MALRD1: variants seen among roughly 807,000 people sequenced by gnomAD.
MALRD1 encodes MAM and LDL-receptor class A domain-containing protein 1.
A neutral mutation model predicts 242.1 loss-of-function variants in MALRD1; 247 were observed. That is an observed-to-expected ratio of 1.02 (90% CI 0.92 to 1.13). The LOEUF is 1.13. Among genes scored for constraint, MALRD1 ranks in the 50% most tolerant of loss-of-function variants. MALRD1 has a pLI of 0.00. For synonymous variants in MALRD1, 995 were observed against 866.6 expected (o/e 1.15, Z -2.60); for missense variants, 2,989 against 2,533.1 (o/e 1.18, Z -3.86).
intron 18 of MALRD1, among the ~76,000 whole-genome samples, chr10:19,234,534 T>C (rs1189409745): frequency 6.6e-6 from 1 of 152,062 alleles, no homozygotes; most frequent in Non-Finnish European, 1.5e-5. Flanking sequence ...TAACAATGAA[T>C]TAATTGCCTG....
chr10:19,606,778 G>A (rs1291176394), intron 34 of MALRD1, among the ~76,000 whole-genome samples: 1 of 152,052 alleles, frequency 6.6e-6, no homozygotes, highest in African/African-American at 2.4e-5. Context: ...AAGCAAGCAG[G>A]ATAACAGAGG....
At chr10:19,268,049 G>T (rs531577633) in intron 19 of MALRD1, among the ~76,000 whole-genome samples, 1 of 152,094 alleles carries the variant, frequency 6.6e-6, no homozygotes, top group South Asian at 2.1e-4. Flanking sequence ...TCTCTTAATT[G>T]AGAGAAATGC....
At chr10:19,176,626 G>A (rs1425720929) in intron 14 of MALRD1, among the ~76,000 whole-genome samples, 5 of 150,582 alleles carry the variant, frequency 3.3e-5, no homozygotes, top group Non-Finnish European at 5.9e-5. Context: ...CACCCGCCTC[G>A]GCCTCCCAAA....
At chr10:19,470,230 C>CA (rs1836429006) in intron 29 of MALRD1, among the ~76,000 whole-genome samples, 1 of 152,002 alleles carries the variant, frequency 6.6e-6, no homozygotes, top group Non-Finnish European at 1.5e-5. Flanking sequence ...TTTCACTTAG[C>CA]TAATACCTTC....
intron 28 of MALRD1, among the ~76,000 whole-genome samples, chr10:19,402,945 G>A (rs1242914359): frequency 6.6e-6 from 1 of 152,022 alleles, no homozygotes; most frequent in East Asian, 1.9e-4. Flanking sequence ...TCAGATGTAG[G>A]CACAATTTAG....
At chr10:19,345,099 G>A (rs1439430875) in intron 24 of MALRD1, among the ~76,000 whole-genome samples, 1 of 152,086 alleles carries the variant, frequency 6.6e-6, no homozygotes, top group Non-Finnish European at 1.5e-5. Context: ...CCTCATCACA[G>A]TGACGTGAAA....
intron 37 of MALRD1, 47 bp downstream of exon 37, chr10:19,692,408 C>T (rs772295320): frequency 1.1e-4 from 171 of 1,531,174 alleles, no homozygotes; most frequent in African/African-American, 2.7e-5. Context: ...GGGGTGGTCT[C>T]TAATATATTT....
chr10:19,585,836 C>T (rs1479167374), intron 33 of MALRD1, among the ~76,000 whole-genome samples: 1 of 152,172 alleles, frequency 6.6e-6, no homozygotes, highest in Non-Finnish European at 1.5e-5. Flanking sequence ...AACTTGGTTC[C>T]ATTCTCCCTG....
intron 20 of MALRD1, 130 bp from the exon 21 acceptor site, chr10:19,282,889 C>T (rs1453531394): frequency 8.0e-6 from 5 of 623,198 alleles, no homozygotes; most frequent in Non-Finnish European, 1.2e-5. Flanking sequence ...AACCATTTGC[C>T]TAATTATTTT....
chr10:19,194,628 T>C (rs763414566), intron 14 of MALRD1, among the ~76,000 whole-genome samples: 2 of 152,172 alleles, frequency 1.3e-5, no homozygotes, highest in Non-Finnish European at 2.9e-5. Flanking sequence ...CACCACTTTT[T>C]CCTTGTCTGC....
chr10:19,447,041 A>AACAC (rs10535583), intron 28 of MALRD1, among the ~76,000 whole-genome samples: 8,582 of 148,390 alleles, frequency 0.058, 792 homozygotes, highest in African/African-American at 0.2. Context: ...CTCTGTTAGG[A>AACAC]ACACACACAC....
chr10:19,108,607 C>T lies in MALRD1; in HGVS notation c.694+4532C>T, dbSNP rs1452699657. 8.7e-4 allele frequency among the ~76,000 whole-genome samples: 60 copies of T among 69,048 alleles called. 20 individuals are homozygous for T. The highest frequency in any genetic ancestry group is 8.2e-3 in the South Asian group (17 of 2,078). The allele number at this position is 69,048 out of a possible 152,430, so 45.3% of individuals were successfully genotyped here. ...TTTTTTGTATTTTTTTTAGTAGAGA[C>T]GGGGTTTCACCTTGTTAGCCAGGAT... On this transcript the variant is annotated intron_variant, in intron 5 of 39. Transcript: ENST00000454679.
chr10:19,478,218 T>C (rs180803302), intron 29 of MALRD1, among the ~76,000 whole-genome samples: 2 of 152,336 alleles, frequency 1.3e-5, no homozygotes, highest in African/African-American at 4.8e-5. Context: ...GATAAGCGAA[T>C]GCTTCAATGC....
chr10:19,499,592 T>C (rs1837879951), intron 31 of MALRD1, among the ~76,000 whole-genome samples: 1 of 152,172 alleles, frequency 6.6e-6, no homozygotes, highest in Admixed American at 6.5e-5. Flanking sequence ...CATAATGTCA[T>C]GAGCCAATTC....
intron 36 of MALRD1, among the ~76,000 whole-genome samples, chr10:19,653,159 C>A (rs1235597608): frequency 1.3e-5 from 2 of 152,078 alleles, no homozygotes; most frequent in African/African-American, 4.8e-5. Flanking sequence ...AACATCTGAT[C>A]AGTTTCCATC....
chr10:19,538,863 C>T (rs879607011), intron 32 of MALRD1, among the ~76,000 whole-genome samples: 6 of 151,666 alleles, frequency 4.0e-5, no homozygotes, highest in African/African-American at 7.3e-5. Context: ...TTCCGGAAAC[C>T]GATAGTTCGT....
At chr10:19,657,631 A>C (rs1333919493) in intron 36 of MALRD1, among the ~76,000 whole-genome samples, 1 of 152,190 alleles carries the variant, frequency 6.6e-6, no homozygotes, top group South Asian at 2.1e-4. Flanking sequence ...GCATTTATGA[A>C]TAATAATCAC....
chr10:19,732,367 A>AT (rs1248928487), intron 39 of MALRD1, among the ~76,000 whole-genome samples: 1 of 152,218 alleles, frequency 6.6e-6, no homozygotes, highest in South Asian at 2.1e-4. Flanking sequence ...GGTTCAAGTG[A>AT]TTCTCCTGCC....
At chr10:19,384,538 T>G (rs1327231966) in intron 26 of MALRD1, among the ~76,000 whole-genome samples, 12 of 120,502 alleles carry the variant, frequency 1.0e-4, no homozygotes, top group South Asian at 2.2e-4. Context: ...ATATAATATA[T>G]TTACTATATA....
Sources: allele counts gnomAD v4.1 joint callset (sites outside exome capture counted in the v4.1 genomes callset), GRCh38; gene constraint gnomAD v4.1.1; transcripts MANE v1.5; gene names NCBI Gene and HGNC (gene_info 2026-07-23, HGNC 2026-07-21).